Variants in HIP1 observed in about 807,000 individuals in gnomAD.
HIP1 encodes the protein huntingtin-interacting protein 1.
A neutral mutation model predicts 147.6 loss-of-function variants in HIP1; 65 were observed. That is an observed-to-expected ratio of 0.44 (90% CI 0.36 to 0.54). The LOEUF (loss-of-function observed/expected upper bound fraction) is 0.54. Among genes scored for constraint, HIP1 ranks in the 20% least tolerant of loss-of-function variants. The pLI is 0.00. For missense variants in HIP1, 1,061 were observed against 1,299.6 expected, an observed-to-expected ratio of 0.82 and a Z score of 2.82; for synonymous variants, 479 against 504.0, an observed-to-expected ratio of 0.95 and a Z score of 0.67.
intron 12 of HIP1, among the ~76,000 whole-genome samples, chr7:75,561,610 A>G (rs782002248): frequency 1.3e-5 from 2 of 152,134 alleles, no homozygotes; most frequent in Non-Finnish European, 2.9e-5. Context: ...AAAGGGGCCA[A>G]TATTTGAGGG....
At chr7:75,614,739 CAG>C (rs1797580321) in intron 1 of HIP1, among the ~76,000 whole-genome samples, 1 of 135,324 alleles carries the variant, frequency 7.4e-6, no homozygotes. Context: ...TATTTTGTCA[CAG>C]GAAAAAAAAA....
chr7:75,564,249 CA>C (rs1232536013), intron 9 of HIP1, among the ~76,000 whole-genome samples: 3 of 152,080 alleles, frequency 2.0e-5, no homozygotes, highest in Non-Finnish European at 4.4e-5. Context: ...CACTGAAGAC[CA>C]AGAAACCTAA....
chr7:75,730,612 T>C (rs563208375), intron 1 of HIP1, among the ~76,000 whole-genome samples: 1 of 152,070 alleles, frequency 6.6e-6, no homozygotes, highest in Admixed American at 6.5e-5. Context: ...GTGCTGGGAT[T>C]ACAAGTGTGA....
rs587741892 is a variant in HIP1 at position 75,604,589 on chromosome 7, G to A, written c.121-5342C>T. On this transcript the variant is annotated intron_variant, in intron 1 of 30. Transcript: ENST00000336926. ...ACTGAGGTGGGAGGATTACTTGAGC[G>A]ATCCAGGCATTGGAGGCTGCAGTGA... 2.6e-5 allele frequency among the ~76,000 whole-genome samples: 4 copies of A among 152,052 alleles called. No homozygotes were observed. In the South Asian group the frequency reaches 8.3e-4, roughly 32 times the overall value.
At chr7:75,706,697 A>G (rs1173517248) in intron 1 of HIP1, among the ~76,000 whole-genome samples, 1 of 112,690 alleles carries the variant, frequency 8.9e-6, no homozygotes, top group Non-Finnish European at 1.7e-5. Context: ...TTAGTTACAT[A>G]TGTATACATG....
intron 1 of HIP1, among the ~76,000 whole-genome samples, chr7:75,699,062 T>C (rs549839887): frequency 2.0e-5 from 3 of 152,030 alleles, no homozygotes; most frequent in African/African-American, 2.4e-5. Context: ...AAAAATGAAA[T>C]ACATTAGCAG....
chr7:75,552,103 C>G (rs1794807051), intron 22 of HIP1, among the ~76,000 whole-genome samples: 1 of 152,058 alleles, frequency 6.6e-6, no homozygotes, highest in Non-Finnish European at 1.5e-5. Context: ...GTTGGCCAGG[C>G]TGGTCTAGAA....
chr7:75,710,033 G>A (rs1200318521), intron 1 of HIP1, among the ~76,000 whole-genome samples: 1 of 151,930 alleles, frequency 6.6e-6, no homozygotes, highest in African/African-American at 2.4e-5. Context: ...TACCATGCCC[G>A]GCTAATTTTT....
chr7:75,622,268 C>T (rs1259026026), intron 1 of HIP1, among the ~76,000 whole-genome samples: 3 of 130,294 alleles, frequency 2.3e-5, no homozygotes, highest in Non-Finnish European at 5.0e-5. Context: ...TAGAGTGAGA[C>T]TCTGTCTCAA....
intron 29 of HIP1, among the ~76,000 whole-genome samples, chr7:75,541,648 A>T (rs587690924): frequency 1.2e-4 from 18 of 152,104 alleles, no homozygotes; most frequent in African/African-American, 4.3e-4. Context: ...GTGAGCCAAG[A>T]TCACGCCACT....
At chr7:75,540,193 C>T (rs1006788025) in intron 29 of HIP1, among the ~76,000 whole-genome samples, 3 of 151,838 alleles carry the variant, frequency 2.0e-5, no homozygotes, top group Non-Finnish European at 4.4e-5. Context: ...TTTGGGAGGC[C>T]AACGTGGGTG....
At chr7:75,650,508 A>G (rs1394044101) in intron 1 of HIP1, among the ~76,000 whole-genome samples, 1 of 142,434 alleles carries the variant, frequency 7.0e-6, no homozygotes, top group Non-Finnish European at 1.5e-5. Flanking sequence ...GCTGGAGTGC[A>G]ATGGTGCGAT....
chr7:75,621,402 G>A (rs782052306), intron 1 of HIP1, among the ~76,000 whole-genome samples: 14 of 152,126 alleles, frequency 9.2e-5, no homozygotes, highest in Non-Finnish European at 1.9e-4. Context: ...TAAGACTGGG[G>A]CCACTGGAAG....
At chr7:75,600,396 C>T (rs997355183) in intron 1 of HIP1, among the ~76,000 whole-genome samples, 5 of 152,178 alleles carry the variant, frequency 3.3e-5, no homozygotes, top group African/African-American at 9.7e-5. Flanking sequence ...CAGGCGTGAG[C>T]CACTGTGCCC....
chr7:75,694,349 G>A (rs1352547062), intron 1 of HIP1, among the ~76,000 whole-genome samples: 2 of 152,022 alleles, frequency 1.3e-5, no homozygotes, highest in African/African-American at 2.4e-5. Flanking sequence ...ATTATGCTGG[G>A]CATGCGTGGT....
intron 1 of HIP1, among the ~76,000 whole-genome samples, chr7:75,661,981 G>A (rs1334439922): frequency 2.0e-5 from 3 of 151,832 alleles, no homozygotes; most frequent in African/African-American, 7.3e-5. Context: ...GGAGTGAAGA[G>A]GAAGCGCAAT....
Position 75,556,736 on chromosome 7 carries a change from G to T in HIP1, c.1657C>A (p.Gln553Lys). The T allele has an allele frequency of 1.2e-6, 2 of 1,612,434 alleles. No individual in the cohort carries two copies. Among genetic ancestry groups the T allele is most frequent in the Non-Finnish European group, 1.7e-6 (2 of 1,178,662 alleles). The change falls in exon 17 of 31, where the codon CAA (glutamine) becomes AAA (lysine). Residue 553 changes from glutamine to lysine, a missense_variant. By Grantham distance (53) the Gln-to-Lys change is moderately conservative. Coordinates refer to ENST00000336926, the MANE Select transcript of HIP1 (RefSeq NM_005338.7). ...TGGGCAGAAGTTTCCAGGCTGCCTT[G>T]CAGAACCTGAAGCTCCCGTTGGCTT... ...ATSQRELQVL[Q>K]GSLETSAQSE...
At chr7:75,678,700 G>A (rs549705039) in intron 1 of HIP1, among the ~76,000 whole-genome samples, 50 of 152,256 alleles carry the variant, frequency 3.3e-4, no homozygotes, top group African/African-American at 1.2e-3. Context: ...GCTTGTGCAC[G>A]TTGCCGATTA....
intron 6 of HIP1, among the ~76,000 whole-genome samples, 180 bp downstream of exon 6, chr7:75,581,895 C>G (rs1330034630): frequency 6.6e-6 from 1 of 152,168 alleles, no homozygotes; most frequent in African/African-American, 2.4e-5. Flanking sequence ...AATAGCCAGG[C>G]AGGGGTTCTG....
Sources: gnomAD v4.1 joint callset for allele counts (sites outside exome capture counted in the v4.1 genomes callset) on GRCh38, gnomAD v4.1.1 for gene constraint, MANE v1.5 for transcripts, NCBI Gene and HGNC (gene_info 2026-07-23, HGNC 2026-07-21) for gene names.